Variants in PRKG1 observed in about 807,000 individuals in gnomAD.
PRKG1 encodes cGMP-dependent protein kinase 1.
PRKG1 carries 35 observed loss-of-function variants against 88.1 expected under a neutral mutation model. The observed-to-expected ratio is 0.40, with a 90% CI of 0.30 to 0.53. The LOEUF (loss-of-function observed/expected upper bound fraction) is 0.53. Ranked by LOEUF, PRKG1 falls within the 20% of genes least tolerant of loss-of-function variation. The probability of loss-of-function intolerance (pLI) is 0.59; values close to 1 mark genes in which losing one functional copy is unlikely to be tolerated. For synonymous variants in PRKG1, 303 were observed against 292.5 expected, an observed-to-expected ratio of 1.04 and a Z score of -0.37; for missense variants, 540 against 839.8, an observed-to-expected ratio of 0.64 and a Z score of 4.41.
intron 3 of PRKG1, among the ~76,000 whole-genome samples, chr10:51,794,790 AAAAC>A (rs1053846023): frequency 2.0e-5 from 3 of 152,082 alleles, no homozygotes; most frequent in African/African-American, 4.8e-5. Flanking sequence ...AATAGAAAGT[AAAAC>A]AAACAAAAAA....
intron 2 of PRKG1, among the ~76,000 whole-genome samples, chr10:51,300,802 G>C (rs899953184): frequency 6.6e-6 from 1 of 152,330 alleles, no homozygotes; most frequent in East Asian, 1.9e-4. Context: ...TTCAGCAGCT[G>C]TCTCCTCCCT....
intron 3 of PRKG1, among the ~76,000 whole-genome samples, chr10:51,500,070 T>C (rs1329590550): frequency 2.0e-5 from 3 of 152,234 alleles, no homozygotes; most frequent in Non-Finnish European, 4.4e-5. Flanking sequence ...AAATATTATG[T>C]TAAGGATTCA....
intron 2 of PRKG1, among the ~76,000 whole-genome samples, chr10:51,389,474 CT>C (rs1361762805): frequency 6.6e-6 from 1 of 152,102 alleles, no homozygotes; most frequent in Non-Finnish European, 1.5e-5. Context: ...TTGATCACCC[CT>C]AACATGCCGC....
intron 5 of PRKG1, among the ~76,000 whole-genome samples, chr10:51,959,949 A>G (rs1843405450): frequency 6.6e-6 from 1 of 152,132 alleles, no homozygotes; most frequent in Non-Finnish European, 1.5e-5. Context: ...GATTGAAGAT[A>G]TCAAAATTAT....
intron 1 of PRKG1, among the ~76,000 whole-genome samples, chr10:51,007,927 G>A (rs1842957399): frequency 6.6e-6 from 1 of 152,226 alleles, no homozygotes; most frequent in African/African-American, 2.4e-5. Flanking sequence ...GTTTCATGGT[G>A]CCTCCAGGCA....
chr10:51,210,547 A>C (rs1340389742), intron 2 of PRKG1, among the ~76,000 whole-genome samples: 1 of 152,228 alleles, frequency 6.6e-6, no homozygotes, highest in East Asian at 1.9e-4. Flanking sequence ...TGAAAAGATC[A>C]ACAAACTTGA....
intron 2 of PRKG1, among the ~76,000 whole-genome samples, chr10:51,399,144 T>C (rs566406312): frequency 1.6e-4 from 24 of 151,926 alleles, no homozygotes; most frequent in African/African-American, 4.1e-4. Flanking sequence ...TATACATGTA[T>C]AAATAAGATA....
At chr10:51,735,632 G>C (rs1837244593) in intron 3 of PRKG1, among the ~76,000 whole-genome samples, 1 of 151,906 alleles carries the variant, frequency 6.6e-6, no homozygotes, top group African/African-American at 2.4e-5. Flanking sequence ...ATATAAAATG[G>C]CATAAATTTG....
chr10:51,977,371 T>C (rs183736523), intron 5 of PRKG1, among the ~76,000 whole-genome samples: 12 of 152,214 alleles, frequency 7.9e-5, no homozygotes, highest in Non-Finnish European at 8.8e-5. Flanking sequence ...CAGTCTACCA[T>C]TGATGGGCAT....
At chr10:51,859,061 T>G (rs1840797509) in intron 4 of PRKG1, among the ~76,000 whole-genome samples, 4 of 152,166 alleles carry the variant, frequency 2.6e-5, no homozygotes, top group African/African-American at 9.7e-5. Flanking sequence ...GAGAAAGTGA[T>G]GAGGCCCAGA....
intron 3 of PRKG1, among the ~76,000 whole-genome samples, chr10:51,588,656 G>T (rs1838231792): frequency 6.6e-6 from 1 of 152,110 alleles, no homozygotes. Context: ...ATTTCCAAAT[G>T]AACAGATTTT....
chr10:51,644,887 A>T (rs1839879826), intron 3 of PRKG1, among the ~76,000 whole-genome samples: 1 of 152,130 alleles, frequency 6.6e-6, no homozygotes, highest in Non-Finnish European at 1.5e-5. Context: ...TTCTGGGTTC[A>T]AGCGATTCTC....
chr10:51,825,845 T>G (rs1243698340), intron 4 of PRKG1, among the ~76,000 whole-genome samples: 1 of 152,070 alleles, frequency 6.6e-6, no homozygotes, highest in Non-Finnish European at 1.5e-5. Context: ...TCATCAAGGC[T>G]CAAAACCGTC....
chr10:51,644,575 A>C (rs1451077171), intron 3 of PRKG1, among the ~76,000 whole-genome samples: 3 of 152,132 alleles, frequency 2.0e-5, no homozygotes, highest in Non-Finnish European at 4.4e-5. Flanking sequence ...TTTTCTATAG[A>C]TCTAGTAGTC....
chr10:51,762,516 C>A (rs1436769861), intron 3 of PRKG1, among the ~76,000 whole-genome samples: 4 of 152,124 alleles, frequency 2.6e-5, no homozygotes, highest in African/African-American at 9.7e-5. Context: ...AATTCTACAT[C>A]TAAAATATGA....
chr10:51,852,162 A>G (rs1338711409), intron 4 of PRKG1, among the ~76,000 whole-genome samples: 2 of 149,528 alleles, frequency 1.3e-5, no homozygotes, highest in Admixed American at 6.7e-5. Context: ...TAAGTTATAT[A>G]TAACATATAT....
intron 9 of PRKG1, among the ~76,000 whole-genome samples, chr10:52,241,338 T>C (rs1273703544): frequency 6.6e-6 from 1 of 152,108 alleles, no homozygotes; most frequent in Admixed American, 6.6e-5. Flanking sequence ...AAAGTTTGTA[T>C]CTCTCAAGAC....
At chr10:51,358,614 T>C (rs1000662859) in intron 2 of PRKG1, among the ~76,000 whole-genome samples, 2 of 151,978 alleles carry the variant, frequency 1.3e-5, no homozygotes, top group East Asian at 2.0e-4. Flanking sequence ...TGTAGTATAA[T>C]AGAAAGAGAA....
chr10:51,603,252 C>A (rs537466149), intron 3 of PRKG1, among the ~76,000 whole-genome samples: 1 of 152,122 alleles, frequency 6.6e-6, no homozygotes, highest in South Asian at 2.1e-4. Flanking sequence ...GCCACAGCAT[C>A]CAGCCTCAAA....
Sources: gnomAD v4.1 joint callset for allele counts (sites outside exome capture counted in the v4.1 genomes callset) on GRCh38, gnomAD v4.1.1 for gene constraint, MANE v1.5 for transcripts, NCBI Gene and HGNC (gene_info 2026-07-23, HGNC 2026-07-21) for gene names.